The following NXPE3 variants were observed in gnomAD, a reference collection of about 807,000 sequenced individuals.
NXPE3 encodes neurexophilin and PC-esterase domain family member 3, also known as NXPE family member 3.
Under a neutral mutation model 46.1 loss-of-function variants are expected in NXPE3, and 26 were observed. That is an observed-to-expected ratio of 0.56 (90% confidence interval 0.41 to 0.78). The LOEUF (loss-of-function observed/expected upper bound fraction) is 0.78, where lower values mean the gene tolerates loss of function less well. Ranked by LOEUF, NXPE3 falls within the 30% of genes least tolerant of loss-of-function variation. The pLI is 0.00. For missense variants in NXPE3, 620 were observed against 686.0 expected (o/e 0.90, Z 1.07); for synonymous variants, 272 against 257.9 (o/e 1.05, Z -0.52).
chr3:101,780,538 G>A (rs924937204), intron 1 of NXPE3, among the ~76,000 whole-genome samples: 21 of 152,098 alleles, frequency 1.4e-4, no homozygotes, highest in African/African-American at 3.9e-4. Context: ...CTCCCACTTG[G>A]CTGTATGTTG....
chr3:101,801,850 A>G lies in NXPE3; in HGVS notation c.709A>G (p.Asn237Asp), dbSNP rs746638156. 2 of 1,614,098 alleles carry G rather than the reference A, an allele frequency of 1.2e-6. No individual in the cohort carries two copies. Among genetic ancestry groups the G allele is most frequent in the Admixed American group, 1.7e-5 (1 of 60,016 alleles). ...VCLPGNLPLC[N>D]FTDLYTGEPW... ...TCTTCCTGGGAATCTGCCCCTGTGTAACTTTACAGACCTCTACACTGGGGA... is the reference window on the plus strand; with the variant it reads ...TCTTCCTGGGAATCTGCCCCTGTGTGACTTTACAGACCTCTACACTGGGGA... The change falls in exon 5 of 8, where the codon AAC (asparagine) becomes GAC (aspartate). Residue 237 changes from asparagine (N) to aspartate (D), a missense_variant. Asn to Asp is a conservative substitution (Grantham distance 23). Coordinates refer to ENST00000273347, the MANE Select transcript of NXPE3 (RefSeq NM_145037.4).
intron 7 of NXPE3, 48 bp downstream of exon 7, chr3:101,817,049 G>GAAATAAGCA (rs748652236): frequency 6.7e-7 from 1 of 1,497,068 alleles, no homozygotes; most frequent in Admixed American, 1.7e-5. Context: ...CATCAGCTTT[G>GAAATAAGCA]AAATAAGCAG....
intron 4 of NXPE3, among the ~76,000 whole-genome samples, chr3:101,789,644 A>G (rs1202898443): frequency 6.6e-6 from 1 of 152,216 alleles, no homozygotes. Context: ...ATTTTCATTC[A>G]GCTGAATTAC....
chr3:101,819,012 G>T (rs200668120), intron 7 of NXPE3, among the ~76,000 whole-genome samples: 1 of 151,680 alleles, frequency 6.6e-6, no homozygotes, highest in Admixed American at 6.6e-5. Context: ...TGAGCTGCTT[G>T]CTTTGCCCTC....
Position 101,822,011 on chromosome 3 carries a change from G to A in NXPE3, c.*57G>A. The A allele has an allele frequency of 6.6e-7, 1 of 1,511,954 alleles. No individual in the cohort carries two copies. Among genetic ancestry groups the A allele is most frequent in the African/African-American group, 1.4e-5 (1 of 72,652 alleles). 93.7% of individuals were successfully genotyped at this position (1,511,954 alleles called of 1,614,324 possible). A position where few individuals can be genotyped will look rare whatever the true frequency, so the allele number is the denominator to read the frequency against. On this transcript the variant is annotated 3_prime_UTR_variant, in exon 8 of 8. Transcript: ENST00000273347. ...TCAATGACCTTCTCAATTGACCTGA[G>A]TTACAGAAAGTGGCCCCAGTGAGAG... is the stretch of plus-strand genomic sequence containing the variant.
intron 4 of NXPE3, among the ~76,000 whole-genome samples, chr3:101,798,320 T>C (rs1029601447): frequency 1.3e-5 from 2 of 152,130 alleles, no homozygotes; most frequent in African/African-American, 4.8e-5. Flanking sequence ...GTAAACTGTT[T>C]ACAAGAGTAT....
chr3:101,799,673 C>A (rs1203460013), intron 4 of NXPE3, among the ~76,000 whole-genome samples: 1 of 152,130 alleles, frequency 6.6e-6, no homozygotes, highest in African/African-American at 2.4e-5. Flanking sequence ...ATCCATCTGC[C>A]TCGGCCTCCC....
intron 4 of NXPE3, among the ~76,000 whole-genome samples, chr3:101,785,895 G>C (rs1434288246): frequency 6.6e-6 from 1 of 152,134 alleles, no homozygotes; most frequent in East Asian, 1.9e-4. Flanking sequence ...TCACTTACAG[G>C]CCTTTCTTTC....
chr3:101,807,375 AG>A (rs1941466608), intron 6 of NXPE3, among the ~76,000 whole-genome samples: 1 of 152,036 alleles, frequency 6.6e-6, no homozygotes, highest in Non-Finnish European at 1.5e-5. Flanking sequence ...GCTGGAGTGC[AG>A]TGGCGCAATC....
rs1187881937 is a variant in NXPE3 at position 101,823,971 on chromosome 3, G to A, written c.*2017G>A. On this transcript the variant is annotated 3_prime_UTR_variant, in exon 8 of 8. Transcript: ENST00000273347. ...GCTGGGTGTGGTGGCACCACCTGTAGTCCCCGCTACTTAGGAGGCTGAGGT... is the reference window on the plus strand; with the variant it reads ...GCTGGGTGTGGTGGCACCACCTGTAATCCCCGCTACTTAGGAGGCTGAGGT... 2 of 151,956 alleles carry A rather than the reference G, an allele frequency of 1.3e-5. No homozygotes were observed. Among genetic ancestry groups the A allele is most frequent in the African/African-American group, 4.9e-5 (2 of 41,222 alleles). The allele number at this position is 151,956 out of a possible 1,614,324, so 9.4% of individuals were successfully genotyped here.
At chr3:101,818,554 TGC>T (rs1334209899) in intron 7 of NXPE3, among the ~76,000 whole-genome samples, 1 of 151,620 alleles carries the variant, frequency 6.6e-6, no homozygotes, top group Non-Finnish European at 1.5e-5. Context: ...CCTGTGTCAG[TGC>T]TTGATCTAAT....
intron 4 of NXPE3, among the ~76,000 whole-genome samples, chr3:101,791,345 T>C (rs1940508651): frequency 6.6e-6 from 1 of 152,216 alleles, no homozygotes; most frequent in Non-Finnish European, 1.5e-5. Context: ...CATTTTCTTA[T>C]ATTTTTTATG....
chr3:101,809,666 ATTCCT>A (rs1941622417), intron 6 of NXPE3, among the ~76,000 whole-genome samples: 1 of 152,058 alleles, frequency 6.6e-6, no homozygotes, highest in Admixed American at 6.5e-5. Flanking sequence ...TGAAAATTTC[ATTCCT>A]TGGAATGAAG....
At chr3:101,812,079 A>T (rs1282915769) in intron 6 of NXPE3, among the ~76,000 whole-genome samples, 2 of 152,120 alleles carry the variant, frequency 1.3e-5, no homozygotes, top group Non-Finnish European at 2.9e-5. Flanking sequence ...ACAAATGATG[A>T]AGTGAATGAT....
chr3:101,817,580 T>C (rs1049803330), intron 7 of NXPE3, among the ~76,000 whole-genome samples: 1 of 152,156 alleles, frequency 6.6e-6, no homozygotes, highest in African/African-American at 2.4e-5. Context: ...TCTTAGCTTC[T>C]TGATTTCTCT....
chr3:101,806,078 A>T (rs778198904), intron 5 of NXPE3, among the ~76,000 whole-genome samples: 1 of 152,034 alleles, frequency 6.6e-6, no homozygotes, highest in South Asian at 2.1e-4. Context: ...GTCTGTCTCC[A>T]TGTCAGCTCC....
At chr3:101,802,043 T>C in intron 5 of NXPE3, 54 bp downstream of exon 5, 2 of 1,508,178 alleles carry the variant, frequency 1.3e-6, no homozygotes, top group South Asian at 1.3e-5. Flanking sequence ...CCACTGTCCT[T>C]GTCCCATTTA....
chr3:101,800,026 T>C (rs1007313045), intron 4 of NXPE3, among the ~76,000 whole-genome samples: 4 of 152,174 alleles, frequency 2.6e-5, no homozygotes, highest in African/African-American at 9.7e-5. Context: ...GTTTCATTGA[T>C]TTTTCTTTAT....
intron 7 of NXPE3, among the ~76,000 whole-genome samples, chr3:101,819,476 T>C (rs1942151531): frequency 6.6e-6 from 1 of 152,240 alleles, no homozygotes; most frequent in Non-Finnish European, 1.5e-5. Flanking sequence ...GAAGTTTTTC[T>C]GTAGGACATT....
Sources: allele counts gnomAD v4.1 joint callset (sites outside exome capture counted in the v4.1 genomes callset), GRCh38; gene constraint gnomAD v4.1.1; transcripts MANE v1.5; gene names NCBI Gene and HGNC (gene_info 2026-07-23, HGNC 2026-07-21).